The following MICAL2 variants were observed in gnomAD, a reference collection of about 807,000 sequenced individuals.
MICAL2 encodes the protein microtubule associated monooxygenase, calponin and LIM domain containing 2, also known as [F-actin]-monooxygenase MICAL2.
In MICAL2, 77 loss-of-function variants were observed where a neutral mutation model predicts 127.3. The observed-to-expected ratio is 0.60, with a 90% CI of 0.50 to 0.73. The LOEUF (loss-of-function observed/expected upper bound fraction) is 0.73. Among genes scored for constraint, MICAL2 ranks in the 30% least tolerant of loss-of-function variants. MICAL2 has a pLI of 0.00. For synonymous variants in MICAL2, 570 were observed against 551.1 expected, an observed-to-expected ratio of 1.03 and a Z score of -0.48; for missense variants, 1,351 against 1,434.4, an observed-to-expected ratio of 0.94 and a Z score of 0.94.
chr11:12,225,781 G>A (rs1395644807), intron 13 of MICAL2: 9 of 220,944 alleles, frequency 4.1e-5, no homozygotes, highest in Non-Finnish European at 7.4e-5. Flanking sequence ...CACTGCGCCT[G>A]GTCTCCCTTT....
intron 33 of MICAL2, among the ~76,000 whole-genome samples, chr11:12,352,039 C>T (rs559853780): frequency 7.4e-4 from 112 of 152,216 alleles, no homozygotes; most frequent in African/African-American, 2.6e-3. Flanking sequence ...CCACCCACCT[C>T]GGCCTCCCAA....
chr11:12,112,410 C>T (rs1166709557), intron 1 of MICAL2, among the ~76,000 whole-genome samples: 1 of 152,074 alleles, frequency 6.6e-6, no homozygotes, highest in Non-Finnish European at 1.5e-5. Flanking sequence ...GGATTGGGTG[C>T]TATTTTGGAA....
chr11:12,304,655 C>CAT (rs1340545956), intron 29 of MICAL2, among the ~76,000 whole-genome samples: 5 of 147,810 alleles, frequency 3.4e-5, no homozygotes, highest in African/African-American at 1.2e-4. Context: ...CACACACACA[C>CAT]ACACACACAC....
rs934983048 is a variant in MICAL2 at position 12,224,611 on chromosome 11, C to T, written c.1541-62C>T. 4.8e-5 allele frequency: 75 copies of T among 1,572,412 alleles called. 1 individual carries two copies. Among genetic ancestry groups the T allele is most frequent in the Non-Finnish European group, 5.8e-5 (67 of 1,153,204 alleles). On this transcript the variant is annotated intron_variant, in intron 12 of 27. Transcript: ENST00000683283. Reference sequence around the variant, plus strand: ...AGCCATGGTGGCAATGAGAAGGGAGCGCCAGGGCAGACCGTGTGAGATTCC... The same window carrying T: ...AGCCATGGTGGCAATGAGAAGGGAGTGCCAGGGCAGACCGTGTGAGATTCC...
At chr11:12,326,782 C>G (rs1024995854) in intron 31 of MICAL2, among the ~76,000 whole-genome samples, 1 of 152,098 alleles carries the variant, frequency 6.6e-6, no homozygotes, top group African/African-American at 2.4e-5. Flanking sequence ...CTTTGTTTGC[C>G]CCTGGACCCC....
intron 29 of MICAL2, among the ~76,000 whole-genome samples, chr11:12,301,760 A>G (rs1287738421): frequency 6.6e-6 from 1 of 152,208 alleles, no homozygotes; most frequent in East Asian, 1.9e-4. Flanking sequence ...GTCCAGCTGC[A>G]TCTGTTAGCT....
At chr11:12,336,399 A>G (rs1280280153) in intron 32 of MICAL2, among the ~76,000 whole-genome samples, 1 of 152,238 alleles carries the variant, frequency 6.6e-6, no homozygotes, top group Non-Finnish European at 1.5e-5. Flanking sequence ...TCATCTGCAA[A>G]CAGGGAAATT....
At chr11:12,256,158 A>G (rs11022264) in intron 23 of MICAL2, 27,721 of 170,602 alleles carry the variant, frequency 0.16, 2,578 homozygotes, top group East Asian at 0.35. Context: ...CCTTTCTCTA[A>G]ACTGGGCTGC....
intron 1 of MICAL2, among the ~76,000 whole-genome samples, chr11:12,128,332 C>T (rs982519361): frequency 3.3e-5 from 5 of 152,252 alleles, no homozygotes; most frequent in African/African-American, 9.6e-5. Flanking sequence ...AGGTGCTGCA[C>T]TAGACACATC....
intron 3 of MICAL2, among the ~76,000 whole-genome samples, chr11:12,201,231 A>G (rs1368010247): frequency 1.3e-5 from 2 of 151,982 alleles, no homozygotes; most frequent in Admixed American, 1.3e-4. Context: ...TGGTGACTTC[A>G]TTTCCCCTAA....
intron 1 of MICAL2, among the ~76,000 whole-genome samples, chr11:12,136,938 G>A (rs1292242007): frequency 6.6e-6 from 1 of 152,196 alleles, no homozygotes; most frequent in Non-Finnish European, 1.5e-5. Flanking sequence ...GAGATCTAGA[G>A]AGCATGGCGG....
intron 2 of MICAL2, among the ~76,000 whole-genome samples, chr11:12,283,902 A>T (rs776612756): frequency 1.3e-4 from 20 of 152,192 alleles, no homozygotes; most frequent in Non-Finnish European, 2.6e-4. Flanking sequence ...GGGATTCGTG[A>T]TAATCTTGTT....
chr11:12,200,883 T>C lies in MICAL2; in HGVS notation c.265-3367T>C, dbSNP rs142874635. On this transcript the variant is annotated intron_variant, in intron 3 of 27. Transcript: ENST00000683283. Reference sequence around the variant, plus strand: ...GGGTCGGGCCTGGTGGACAGAAGGATGCAGGGGGCTCCCCTCCTTCTTTCC... The same window carrying C: ...GGGTCGGGCCTGGTGGACAGAAGGACGCAGGGGGCTCCCCTCCTTCTTTCC... 9.4e-3 allele frequency among the ~76,000 whole-genome samples: 1,425 copies of C among 152,282 alleles called. 26 individuals are homozygous for C. Among genetic ancestry groups the C allele is most frequent in the African/African-American group, 0.033 (1,368 of 41,556 alleles).
intron 22 of MICAL2, chr11:12,254,699 G>A (rs937969975): frequency 6.6e-6 from 1 of 152,178 alleles, no homozygotes; most frequent in African/African-American, 2.4e-5. Flanking sequence ...TATTTGCTAA[G>A]CGGCCTCAGA....
At position 12,138,447 on chromosome 11, in the gene MICAL2, T is replaced by C. The variant is rs901284; in HGVS notation, c.-91T>C. The stretch of plus-strand genomic sequence containing the variant: ...AAAGAGAAGACTTTAACCACTGTGA[T>C]GCCTGAGAATCCAGTGAGTAAGTCA... On this transcript the variant is annotated 5_prime_UTR_variant, in exon 2 of 28. The change abolishes an upstream ATG in the 5' untranslated region. Coordinates refer to ENST00000683283, the MANE Select transcript of MICAL2 (RefSeq NM_001282663.2). 0.13 allele frequency: 19,037 copies of C among 152,264 alleles called. 1,283 individuals are homozygous for C. The highest frequency in any genetic ancestry group is 0.17 in the South Asian group (840 of 4,824). 9.4% of individuals were successfully genotyped at this position (152,264 alleles called of 1,614,324 possible).
intron 22 of MICAL2, chr11:12,253,679 G>A (rs1328793024): frequency 6.6e-6 from 1 of 152,190 alleles, no homozygotes; most frequent in Non-Finnish European, 1.5e-5. Context: ...CACGGTTACT[G>A]GTTTATTATA....
intron 15 of MICAL2, chr11:12,227,336 A>G: frequency 1.9e-6 from 1 of 539,484 alleles, no homozygotes; most frequent in East Asian, 3.2e-5. Context: ...AATGACTTCA[A>G]AGTGGTTATA....
intron 3 of MICAL2, among the ~76,000 whole-genome samples, chr11:12,191,464 T>A (rs1333461478): frequency 1.0e-5 from 1 of 95,746 alleles, no homozygotes. Context: ...AGAGCAAGAC[T>A]ATGTCTCAAA....
At chr11:12,160,512 C>G (rs1443992841) in intron 2 of MICAL2, among the ~76,000 whole-genome samples, 3 of 152,228 alleles carry the variant, frequency 2.0e-5, no homozygotes, top group Non-Finnish European at 2.9e-5. Flanking sequence ...CTCACGAATC[C>G]TGAACCTTGA....
Sources: allele counts gnomAD v4.1 joint callset (sites outside exome capture counted in the v4.1 genomes callset), GRCh38; gene constraint gnomAD v4.1.1; transcripts MANE v1.5; gene names NCBI Gene and HGNC (gene_info 2026-07-23, HGNC 2026-07-21).